The following TRAPPC10 variants were observed in gnomAD, a reference collection of about 807,000 sequenced individuals.
TRAPPC10 encodes the protein trafficking protein particle complex subunit 10, also known as TRAPP 130 kDa subunit.
TRAPPC10 carries 23 observed loss-of-function variants against 125.5 expected under a neutral mutation model. The observed-to-expected ratio is 0.18, with a 90% CI of 0.13 to 0.26. The LOEUF is 0.26. Among genes scored for constraint, TRAPPC10 ranks in the 10% least tolerant of loss-of-function variants. The pLI is 1.00. For missense variants in TRAPPC10, 1,123 were observed against 1,308.4 expected (o/e 0.86, Z 2.19); for synonymous variants, 509 against 518.0 (o/e 0.98, Z 0.24).
chr21:44,018,844 C>A (rs892759946), intron 1 of TRAPPC10, among the ~76,000 whole-genome samples: 1 of 152,118 alleles, frequency 6.6e-6, no homozygotes, highest in African/African-American at 2.4e-5. Context: ...AATGGAAATA[C>A]AAATAACTGA....
chr21:44,080,718 T>G (rs1017153216), intron 13 of TRAPPC10, among the ~76,000 whole-genome samples: 8 of 152,024 alleles, frequency 5.3e-5, no homozygotes, highest in African/African-American at 1.9e-4. Flanking sequence ...TTTGTATTTT[T>G]AGTAGAGACA....
At position 44,030,051 on chromosome 21, in the gene TRAPPC10, A is replaced by G. The variant is rs141921557; in HGVS notation, c.68-2040A>G. Among the ~76,000 whole-genome samples the G allele has an allele frequency of 2.9e-3, 448 of 152,376 alleles. 4 individuals are homozygous for G. Among genetic ancestry groups the G allele is most frequent in the African/African-American group, 0.01 (420 of 41,584 alleles). On this transcript the variant is annotated intron_variant, in intron 1 of 22. Coordinates refer to ENST00000291574, the MANE Select transcript of TRAPPC10 (RefSeq NM_003274.5). ...TGAACACAGGTTAGAGAGTTAGTCC[A>G]TGATGGAATGCGAGAGACATTGCTA...
chr21:44,025,882 CAG>C (rs2033016991), intron 1 of TRAPPC10, among the ~76,000 whole-genome samples: 2 of 73,442 alleles, frequency 2.7e-5, no homozygotes, highest in African/African-American at 4.9e-5. Flanking sequence ...GTGTGTGTGT[CAG>C]AGGGAAGGTA....
chr21:44,019,969 C>T (rs1220983739), intron 1 of TRAPPC10, among the ~76,000 whole-genome samples: 1 of 152,116 alleles, frequency 6.6e-6, no homozygotes, highest in African/African-American at 2.4e-5. Context: ...AAAAGTCCAG[C>T]CTCTTCTGTG....
At chr21:44,091,514 A>T (rs1271035349) in intron 18 of TRAPPC10, among the ~76,000 whole-genome samples, 2 of 152,116 alleles carry the variant, frequency 1.3e-5, no homozygotes, top group African/African-American at 4.8e-5. Context: ...ATCTCAGCTC[A>T]CTGCAACCTC....
At chr21:44,051,683 A>G (rs1448744283) in intron 3 of TRAPPC10, among the ~76,000 whole-genome samples, 3 of 152,346 alleles carry the variant, frequency 2.0e-5, no homozygotes, top group Non-Finnish European at 4.4e-5. Context: ...CGGAAGCTGC[A>G]GGTCGCCTTC....
At position 44,086,804 on chromosome 21, in the gene TRAPPC10, A is replaced by G; in HGVS notation, c.2383A>G (p.Ser795Gly). ...AGCCACGATCTCTTTTCCTTTAGAT[A>G]GCCTTCTGGCAGGCATTCCTCAGAG... ...PQLHVEPLAD[S>G]LLAGIPQRVK... Residue 795 changes from serine (S) to glycine (G), a missense_variant and splice_region_variant, in exon 16 of 23, where the codon AGC becomes GGC. By Grantham distance (56) the Ser-to-Gly change is moderately conservative. Transcript: ENST00000291574. The G allele has an allele frequency of 6.2e-7, 1 of 1,614,110 alleles. No homozygotes were observed. Among genetic ancestry groups the G allele is most frequent in the East Asian group, 2.2e-5 (1 of 44,882 alleles).
chr21:44,081,000 T>C (rs1886075580), intron 13 of TRAPPC10, among the ~76,000 whole-genome samples: 1 of 145,508 alleles, frequency 6.9e-6, no homozygotes. Flanking sequence ...GTCAATATTA[T>C]TGTTCTTTTT....
chr21:44,050,519 T>C (rs2035163979), intron 3 of TRAPPC10, among the ~76,000 whole-genome samples: 1 of 152,106 alleles, frequency 6.6e-6, no homozygotes, highest in South Asian at 2.1e-4. Flanking sequence ...CCGGGTGCTA[T>C]GTGTATTTTC....
Position 44,093,010 on chromosome 21 carries a change from T to TGGTC in TRAPPC10, c.2997+962_2997+965dup, listed in dbSNP as rs141379452. 3.7e-3 allele frequency among the ~76,000 whole-genome samples: 566 copies of TGGTC among 152,300 alleles called. 7 individuals are homozygous for TGGTC. Among genetic ancestry groups the TGGTC allele is most frequent in the African/African-American group, 0.013 (540 of 41,566 alleles). On this transcript the variant is annotated intron_variant, in intron 19 of 22. Coordinates refer to ENST00000291574, the MANE Select transcript of TRAPPC10 (RefSeq NM_003274.5). Reference sequence around the variant, plus strand: ...CGTGGTTTCACCATGTTGGTCAGGCTGGTCTTCAACTCTTGGCCTCAGGTG... The same window carrying TGGTC: ...CGTGGTTTCACCATGTTGGTCAGGCTGGTCGGTCTTCAACTCTTGGCCTCAGGTG...
At chr21:44,048,145 C>T (rs570161410) in intron 3 of TRAPPC10, among the ~76,000 whole-genome samples, 4 of 152,294 alleles carry the variant, frequency 2.6e-5, no homozygotes, top group Non-Finnish European at 4.4e-5. Flanking sequence ...GGGTGGTTCC[C>T]GCATGTACTT....
chr21:44,050,860 T>G (rs1430158999), intron 3 of TRAPPC10, among the ~76,000 whole-genome samples: 1 of 152,258 alleles, frequency 6.6e-6, no homozygotes, highest in Non-Finnish European at 1.5e-5. Context: ...GAACTTTCTA[T>G]TTAGTTAGTT....
chr21:44,020,231 A>G (rs1197040097), intron 1 of TRAPPC10, among the ~76,000 whole-genome samples: 3 of 150,292 alleles, frequency 2.0e-5, no homozygotes, highest in Admixed American at 1.3e-4. Flanking sequence ...GGTTCACGCT[A>G]TTCTCCTGCC....
At chr21:44,076,468 C>A (rs948228215) in intron 9 of TRAPPC10, 84 bp from the exon 10 acceptor site, 3 of 1,065,640 alleles carry the variant, frequency 2.8e-6, no homozygotes, top group African/African-American at 3.1e-5. Flanking sequence ...AGGTCATCTA[C>A]CTGCAGTATG....
intron 20 of TRAPPC10, among the ~76,000 whole-genome samples, chr21:44,095,953 G>A (rs1476395260): frequency 7.5e-6 from 1 of 132,866 alleles, no homozygotes; most frequent in Non-Finnish European, 1.6e-5. Context: ...GGGTAACTCT[G>A]TGGTTAGCTT....
chr21:44,079,753 C>T (rs910522510), intron 12 of TRAPPC10, 49 bp downstream of exon 12: 14 of 1,571,032 alleles, frequency 8.9e-6, no homozygotes, highest in African/African-American at 4.1e-5. Flanking sequence ...TCTGTTTATA[C>T]GGCAACATTG....
At chr21:44,015,818 T>G (rs1233008841) in intron 1 of TRAPPC10, among the ~76,000 whole-genome samples, 1 of 152,124 alleles carries the variant, frequency 6.6e-6, no homozygotes, top group Non-Finnish European at 1.5e-5. Flanking sequence ...TTCACCTTGT[T>G]GGCCAGGCAG....
intron 11 of TRAPPC10, among the ~76,000 whole-genome samples, chr21:44,078,425 CTTG>C (rs1257356558): frequency 7.3e-6 from 1 of 137,316 alleles, no homozygotes; most frequent in Non-Finnish European, 1.5e-5. Context: ...GAAAAAGATG[CTTG>C]TTTTCATTTT....
At chr21:44,062,735 A>C in intron 6 of TRAPPC10, 1 of 985,396 alleles carries the variant, frequency 1.0e-6, no homozygotes, top group Non-Finnish European at 1.2e-6. Context: ...TGGCAGGTCC[A>C]CACCACACCA....
Sources: gnomAD v4.1 joint callset for allele counts (sites outside exome capture counted in the v4.1 genomes callset) on GRCh38, gnomAD v4.1.1 for gene constraint, MANE v1.5 for transcripts, NCBI Gene and HGNC (gene_info 2026-07-23, HGNC 2026-07-21) for gene names.